The following NPSR1 variants were observed in gnomAD, a reference collection of about 807,000 sequenced individuals.
NPSR1 encodes the protein neuropeptide S receptor.
A neutral mutation model predicts 46.9 loss-of-function variants in NPSR1; 48 were observed. The observed-to-expected ratio is 1.02, with a 90% CI of 0.81 to 1.30. The LOEUF (loss-of-function observed/expected upper bound fraction) is 1.30. Among genes scored for constraint, NPSR1 ranks in the 50% most tolerant of loss-of-function variants. NPSR1 has a pLI of 0.00. For missense variants in NPSR1, 450 were observed against 449.5 expected (o/e 1.00, Z -0.01); for synonymous variants, 176 against 168.1 (o/e 1.05, Z -0.36).
At chr7:34,719,197 G>A (rs1178347364) in intron 2 of NPSR1, 5 of 152,324 alleles carry the variant, frequency 3.3e-5, no homozygotes, top group Non-Finnish European at 5.9e-5. Flanking sequence ...CCTGTAGGAG[G>A]ATTAATAGAA....
At chr7:34,670,016 T>A (rs2530570) in intron 1 of NPSR1, among the ~76,000 whole-genome samples, 45,645 of 152,142 alleles carry the variant, frequency 0.3, 8,303 homozygotes, top group African/African-American at 0.52. Flanking sequence ...CAAGATAGGA[T>A]GATTAAATTT....
At chr7:34,869,789 C>T (rs1304417835) in intron 8 of NPSR1, among the ~76,000 whole-genome samples, 1 of 151,760 alleles carries the variant, frequency 6.6e-6, no homozygotes, top group Non-Finnish European at 1.5e-5. Flanking sequence ...ATTTAGCACC[C>T]CTCTGTGTTC....
At chr7:34,701,589 T>C (rs907781594) in intron 2 of NPSR1, among the ~76,000 whole-genome samples, 1 of 152,208 alleles carries the variant, frequency 6.6e-6, no homozygotes, top group African/African-American at 2.4e-5. Flanking sequence ...AATCTGCCTG[T>C]TGTCAGTTTA....
chr7:34,736,254 T>C (rs1206531594), intron 2 of NPSR1, among the ~76,000 whole-genome samples: 1 of 152,178 alleles, frequency 6.6e-6, no homozygotes, highest in Non-Finnish European at 1.5e-5. Context: ...TCCTCTAGTC[T>C]TCATATAATA....
At chr7:34,803,743 G>A (rs1788549962) in intron 3 of NPSR1, among the ~76,000 whole-genome samples, 1 of 135,696 alleles carries the variant, frequency 7.4e-6, no homozygotes, top group African/African-American at 2.7e-5. Flanking sequence ...TTTAAAAAAA[G>A]ATAGCATGAG....
At chr7:34,769,749 A>G (rs750117326) in intron 2 of NPSR1, among the ~76,000 whole-genome samples, 37 of 152,298 alleles carry the variant, frequency 2.4e-4, no homozygotes, top group South Asian at 1.2e-3. Context: ...AACCCCATTC[A>G]TGTTTACAAG....
intron 2 of NPSR1, chr7:34,750,518 G>A (rs2128723607): frequency 1.4e-6 from 1 of 701,632 alleles, no homozygotes; most frequent in East Asian, 2.7e-5. Flanking sequence ...GGCTGTTGGG[G>A]CTCTCTGGCT....
Position 34,834,442 on chromosome 7 carries a change from G to A in NPSR1, c.739G>A (p.Val247Met), listed in dbSNP as rs754573421. The change falls in exon 6 of 9, where the codon GTG becomes ATG. Residue 247 changes from valine (V) to methionine (M), a missense_variant. Transcript: ENST00000360581. ...IWIKSKTYET[V>M]ISNCSDGKLC... is the part of the protein sequence containing the mutation. The stretch of plus-strand genomic sequence containing the variant: ...GATTAAAAGCAAAACCTACGAAACA[G>A]TGATTTCCAACTGCTCAGGTAAGTC... 1 of 1,612,370 alleles carries A rather than the reference G, an allele frequency of 6.2e-7. No homozygotes were observed. The highest frequency in any genetic ancestry group is 8.5e-7 in the Non-Finnish European group (1 of 1,178,434).
At chr7:34,742,648 T>C (rs1285690815) in intron 2 of NPSR1, among the ~76,000 whole-genome samples, 2 of 152,224 alleles carry the variant, frequency 1.3e-5, no homozygotes, top group African/African-American at 4.8e-5. Context: ...TGTGTCTTTA[T>C]GGTAGAATGA....
chr7:34,678,218 C>CTTTTTTTT (rs869140156), intron 1 of NPSR1, among the ~76,000 whole-genome samples: 1 of 100,704 alleles, frequency 9.9e-6, no homozygotes, highest in African/African-American at 4.0e-5. Context: ...CTTTGCAATT[C>CTTTTTTTT]TTTTTTTTTT....
rs1340752894 is a variant in NPSR1 at position 34,802,948 on chromosome 7, C to CA, written c.385-8816dup. Among the ~76,000 whole-genome samples the CA allele has an allele frequency of 4.7e-5, 7 of 150,334 alleles. 1 individual carries two copies. The highest frequency in any genetic ancestry group is 1.8e-4 in the African/African-American group (7 of 39,742). ...TCTCAAAAGAAGTCATTTATGCAGG[C>CA]AAAAAACACATGAAAAAATGCTCAC... On this transcript the variant is annotated intron_variant, in intron 3 of 8. Transcript: ENST00000360581.
chr7:34,723,919 T>C (rs1784000645), intron 2 of NPSR1, among the ~76,000 whole-genome samples: 4 of 152,232 alleles, frequency 2.6e-5, no homozygotes, highest in Admixed American at 2.0e-4. Context: ...ATCACTGTCT[T>C]TATAACAATC....
intron 1 of NPSR1, among the ~76,000 whole-genome samples, chr7:34,671,535 G>A (rs1792057459): frequency 1.3e-5 from 2 of 152,158 alleles, no homozygotes; most frequent in South Asian, 4.1e-4. Flanking sequence ...AAAGGATCCA[G>A]AAATGCAGGC....
At chr7:34,753,496 G>A (rs1785651885) in intron 2 of NPSR1, 1 of 152,130 alleles carries the variant, frequency 6.6e-6, no homozygotes, top group African/African-American at 2.4e-5. Context: ...CTTGAGCCCA[G>A]GAGCTCATAG....
At chr7:34,877,222 T>C (rs567570102) in intron 8 of NPSR1, among the ~76,000 whole-genome samples, 52 of 151,854 alleles carry the variant, frequency 3.4e-4, no homozygotes, top group African/African-American at 1.1e-3. Flanking sequence ...GCCAGGAAGG[T>C]AATGTTCTGA....
At chr7:34,869,667 C>A (rs1791404758) in intron 8 of NPSR1, among the ~76,000 whole-genome samples, 2 of 151,788 alleles carry the variant, frequency 1.3e-5, no homozygotes, top group Non-Finnish European at 2.9e-5. Context: ...ATTCATTTAA[C>A]AAATATTTAT....
At chr7:34,699,248 G>A (rs1309619562) in intron 2 of NPSR1, among the ~76,000 whole-genome samples, 3 of 152,116 alleles carry the variant, frequency 2.0e-5, no homozygotes, top group Non-Finnish European at 2.9e-5. Context: ...GGGAGGCTTT[G>A]GTGAGTAGAT....
At chr7:34,691,171 T>C (rs1793231021) in intron 2 of NPSR1, among the ~76,000 whole-genome samples, 1 of 152,088 alleles carries the variant, frequency 6.6e-6, no homozygotes, top group South Asian at 2.1e-4. Flanking sequence ...ACCAGACAAA[T>C]AAATGCTAAG....
chr7:34,733,185 G>A (rs1353164118), intron 2 of NPSR1, among the ~76,000 whole-genome samples: 2 of 152,162 alleles, frequency 1.3e-5, no homozygotes, highest in African/African-American at 2.4e-5. Context: ...ACTTTGGGAA[G>A]CCACAGTGGG....
Sources: allele counts gnomAD v4.1 joint callset (sites outside exome capture counted in the v4.1 genomes callset), GRCh38; gene constraint gnomAD v4.1.1; transcripts MANE v1.5; gene names NCBI Gene and HGNC (gene_info 2026-07-23, HGNC 2026-07-21).